FNIP1: variants seen among roughly 807,000 people sequenced by gnomAD.
FNIP1 encodes the protein folliculin-interacting protein 1.
A neutral mutation model predicts 124.5 loss-of-function variants in FNIP1; 40 were observed. That is an observed-to-expected ratio of 0.32 (90% CI 0.25 to 0.42). The LOEUF is 0.42. FNIP1 is among the 10% of genes least tolerant of loss of function. The pLI, the probability that FNIP1 is intolerant of heterozygous loss-of-function variation, is 1.00. For missense variants in FNIP1, 1,176 were observed against 1,403.7 expected (o/e 0.84, Z 2.59); for synonymous variants, 472 against 470.6 (o/e 1.00, Z -0.04).
At chr5:131,778,262 C>T (rs963920667) in intron 1 of FNIP1, among the ~76,000 whole-genome samples, 1 of 152,066 alleles carries the variant, frequency 6.6e-6, no homozygotes. Context: ...ACAAACAAAA[C>T]CTGACTCTGA....
chr5:131,778,667 A>T (rs1771893383), intron 1 of FNIP1, among the ~76,000 whole-genome samples: 1 of 99,580 alleles, frequency 1.0e-5, no homozygotes, highest in Non-Finnish European at 2.0e-5. Context: ...AATGACTATA[A>T]ATCATGCTGC....
At chr5:131,773,683 A>G (rs935295516) in intron 1 of FNIP1, among the ~76,000 whole-genome samples, 2 of 152,192 alleles carry the variant, frequency 1.3e-5, no homozygotes, top group Non-Finnish European at 2.9e-5. Context: ...TTGTTATTTC[A>G]TGAGTTAATA....
chr5:131,658,907 C>CAAAAAAAAAAAAAAA (rs70974003), intron 15 of FNIP1, among the ~76,000 whole-genome samples: 4 of 41,162 alleles, frequency 9.7e-5, no homozygotes, highest in African/African-American at 4.1e-4. Flanking sequence ...TGGGTCTAGC[C>CAAAAAAAAAAAAAAA]AAAAAAAAAA....
At chr5:131,671,460 A>T in intron 14 of FNIP1, 45 bp downstream of exon 14, 1 of 1,396,582 alleles carries the variant, frequency 7.2e-7, no homozygotes, top group South Asian at 1.3e-5. Context: ...AGAGAATGGT[A>T]CATATTTATA....
chr5:131,677,676 T>C (rs374287681), intron 13 of FNIP1, 27 bp downstream of exon 13: 30 of 1,586,806 alleles, frequency 1.9e-5, no homozygotes, highest in Non-Finnish European at 2.4e-5. Context: ...GTCTAATACA[T>C]AGTGTAACAG....
At chr5:131,707,173 C>CG (rs1212587969) in intron 8 of FNIP1, among the ~76,000 whole-genome samples, 2 of 152,150 alleles carry the variant, frequency 1.3e-5, no homozygotes, top group Non-Finnish European at 2.9e-5. Flanking sequence ...ATTCCCTTCC[C>CG]GAAACACTTC....
intron 6 of FNIP1, among the ~76,000 whole-genome samples, chr5:131,711,038 AT>A (rs1303759001): frequency 6.6e-6 from 1 of 152,210 alleles, no homozygotes; most frequent in Non-Finnish European, 1.5e-5. Context: ...AAATAAATTC[AT>A]TTTTTTAAAG....
At chr5:131,676,175 G>A (rs1262418327) in intron 13 of FNIP1, among the ~76,000 whole-genome samples, 1 of 152,030 alleles carries the variant, frequency 6.6e-6, no homozygotes, top group Non-Finnish European at 1.5e-5. Flanking sequence ...ACCACGCCCA[G>A]CTAATTTTTT....
intron 12 of FNIP1, among the ~76,000 whole-genome samples, chr5:131,678,592 T>C (rs1767978598): frequency 1.5e-5 from 2 of 136,802 alleles, no homozygotes. Flanking sequence ...TTTGTATTTT[T>C]AGTAGAGACA....
At chr5:131,764,088 C>G (rs1011311717) in intron 1 of FNIP1, among the ~76,000 whole-genome samples, 2 of 151,500 alleles carry the variant, frequency 1.3e-5, no homozygotes, top group African/African-American at 4.9e-5. Context: ...GCCCCCTTGC[C>G]TTTTTTTTGC....
intron 1 of FNIP1, among the ~76,000 whole-genome samples, chr5:131,792,373 C>T (rs2149591777): frequency 6.6e-6 from 1 of 152,226 alleles, no homozygotes; most frequent in African/African-American, 2.4e-5. Context: ...ATTGGCCAGG[C>T]TGGTCTGGAA....
Position 131,669,060 on chromosome 5 carries a change from G to T in FNIP1, c.3108+1403C>A, listed in dbSNP as rs1266926242. Among the ~76,000 whole-genome samples, 5 of 152,272 alleles carry T rather than the reference G, an allele frequency of 3.3e-5. No homozygotes were observed. In the South Asian group the frequency reaches 1.0e-3, roughly 32 times the overall value. ...CAACCTTATAAAAACTAAAAGGATT[G>T]TAAGTGTATAATATAAACAACTTGA... is the stretch of plus-strand genomic sequence containing the variant. On this transcript the variant is annotated intron_variant, in intron 15 of 17. Coordinates refer to ENST00000510461, the MANE Select transcript of FNIP1 (RefSeq NM_133372.3).
chr5:131,696,623 T>C (rs866512880), intron 11 of FNIP1, among the ~76,000 whole-genome samples: 3 of 152,060 alleles, frequency 2.0e-5, no homozygotes, highest in Non-Finnish European at 2.9e-5. Flanking sequence ...AAATATTAAA[T>C]TAAAATTATT....
intron 15 of FNIP1, among the ~76,000 whole-genome samples, chr5:131,666,863 T>C (rs1261482000): frequency 6.6e-6 from 1 of 152,178 alleles, no homozygotes; most frequent in Non-Finnish European, 1.5e-5. Context: ...AGTCACAAGA[T>C]ACTGTGTTTG....
chr5:131,648,819 T>C (rs1284295256), intron 16 of FNIP1, among the ~76,000 whole-genome samples: 1 of 152,202 alleles, frequency 6.6e-6, no homozygotes, highest in Non-Finnish European at 1.5e-5. Context: ...TATTCTCTTC[T>C]TACCCGCAGC....
chr5:131,695,491 C>G (rs910868843), intron 11 of FNIP1, among the ~76,000 whole-genome samples: 1 of 152,162 alleles, frequency 6.6e-6, no homozygotes, highest in African/African-American at 2.4e-5. Context: ...CATTATTCAG[C>G]CTGTGCAGGT....
At chr5:131,728,464 T>C (rs1010222761) in intron 3 of FNIP1, among the ~76,000 whole-genome samples, 1 of 152,106 alleles carries the variant, frequency 6.6e-6, no homozygotes, top group Non-Finnish European at 1.5e-5. Context: ...TCCGCTTGAT[T>C]GATTCAGCTA....
At chr5:131,746,295 C>G (rs1451897016) in intron 1 of FNIP1, among the ~76,000 whole-genome samples, 1 of 152,178 alleles carries the variant, frequency 6.6e-6, no homozygotes, top group Non-Finnish European at 1.5e-5. Context: ...CTTTTAAATT[C>G]AGGGGGTACA....
chr5:131,682,045 A>G (rs1198782850), intron 11 of FNIP1, among the ~76,000 whole-genome samples: 2 of 152,204 alleles, frequency 1.3e-5, no homozygotes, highest in African/African-American at 4.8e-5. Flanking sequence ...TGGGGTGAGT[A>G]GGATAGGATT....
Sources: allele counts gnomAD v4.1 joint callset (sites outside exome capture counted in the v4.1 genomes callset), GRCh38; gene constraint gnomAD v4.1.1; transcripts MANE v1.5; gene names NCBI Gene and HGNC (gene_info 2026-07-23, HGNC 2026-07-21).